ZNF618: variants seen among roughly 807,000 people sequenced by gnomAD.
ZNF618 encodes the protein zinc finger protein 618, also known as neural precursor cell expressed, developmentally down-regulated 10.
Under a neutral mutation model 103.0 loss-of-function variants are expected in ZNF618, and 34 were observed. The observed-to-expected ratio is 0.33, with a 90% CI of 0.25 to 0.44. The LOEUF is 0.44. ZNF618 is among the 20% of genes least tolerant of loss of function. ZNF618 has a pLI of 1.00. For missense variants in ZNF618, 1,059 were observed against 1,295.4 expected, an observed-to-expected ratio of 0.82 and a Z score of 2.80; for synonymous variants, 551 against 542.2, an observed-to-expected ratio of 1.02 and a Z score of -0.23.
intron 2 of ZNF618, among the ~76,000 whole-genome samples, chr9:113,975,017 T>A (rs1588205546): frequency 6.6e-6 from 1 of 152,186 alleles, no homozygotes; most frequent in Non-Finnish European, 1.5e-5. Flanking sequence ...AATTCCTAGT[T>A]CAAAGCAGGT....
chr9:113,933,946 A>C (rs1459136746), intron 1 of ZNF618, among the ~76,000 whole-genome samples: 1 of 151,874 alleles, frequency 6.6e-6, no homozygotes, highest in African/African-American at 2.4e-5. Flanking sequence ...GGATGCTTGA[A>C]ATTGAGATCA....
intron 6 of ZNF618, 52 bp from the exon 7 acceptor site, chr9:114,007,298 C>T: frequency 6.4e-7 from 1 of 1,550,792 alleles, no homozygotes; most frequent in Non-Finnish European, 8.8e-7. Flanking sequence ...AAAAACCCCA[C>T]CCCACAAGAC....
At chr9:114,004,297 G>A (rs1841529343) in intron 6 of ZNF618, among the ~76,000 whole-genome samples, 1 of 152,220 alleles carries the variant, frequency 6.6e-6, no homozygotes, top group African/African-American at 2.4e-5. Flanking sequence ...CTGGGAGGAG[G>A]TGGGAGCTGG....
chr9:113,879,745 T>C (rs1163827943), intron 1 of ZNF618, among the ~76,000 whole-genome samples: 1 of 151,944 alleles, frequency 6.6e-6, no homozygotes, highest in East Asian at 1.9e-4. Flanking sequence ...CAGTGGAGAC[T>C]CTTATTACTT....
intron 9 of ZNF618, among the ~76,000 whole-genome samples, chr9:114,009,770 G>T (rs1842072624): frequency 6.6e-6 from 1 of 152,134 alleles, no homozygotes; most frequent in African/African-American, 2.4e-5. Flanking sequence ...AGTTGGATAC[G>T]TTCCTCAGGG....
At chr9:113,946,543 C>G (rs11792006) in intron 1 of ZNF618, among the ~76,000 whole-genome samples, 1 of 152,072 alleles carries the variant, frequency 6.6e-6, no homozygotes, top group African/African-American at 2.4e-5. Context: ...CACCTTTATG[C>G]CCCTGATGGC....
At chr9:114,029,628 T>G (rs1305172525) in intron 11 of ZNF618, among the ~76,000 whole-genome samples, 2 of 150,210 alleles carry the variant, frequency 1.3e-5, no homozygotes, top group African/African-American at 5.0e-5. Context: ...TTCAGAAAAC[T>G]TAATTTAAAA....
intron 4 of ZNF618, 124 bp downstream of exon 4, chr9:113,998,478 G>A (rs1260851530): frequency 3.7e-6 from 3 of 819,270 alleles, no homozygotes; most frequent in Middle Eastern, 3.6e-4. Flanking sequence ...GGTCAAGAGG[G>A]GCCACCTTCT....
intron 1 of ZNF618, among the ~76,000 whole-genome samples, chr9:113,886,347 C>T (rs992307548): frequency 6.6e-6 from 1 of 152,136 alleles, no homozygotes; most frequent in Admixed American, 6.5e-5. Context: ...GAATTTTTGT[C>T]AGGTGAAAGT....
At chr9:113,968,993 G>A in intron 1 of ZNF618, 124 bp from the exon 2 acceptor site, 1 of 1,110,962 alleles carries the variant, frequency 9.0e-7, no homozygotes, top group Non-Finnish European at 1.4e-6. Context: ...CGGGACAGGG[G>A]CTTGTGGCCA....
intron 1 of ZNF618, among the ~76,000 whole-genome samples, chr9:113,880,429 T>C (rs1339054214): frequency 6.6e-6 from 1 of 152,190 alleles, no homozygotes; most frequent in East Asian, 1.9e-4. Context: ...TTTCTGATTG[T>C]AACTCCAAGG....
chr9:113,991,638 A>C (rs1057286656), intron 3 of ZNF618, among the ~76,000 whole-genome samples: 2 of 152,226 alleles, frequency 1.3e-5, no homozygotes, highest in African/African-American at 4.8e-5. Context: ...AGCTATTGTG[A>C]TATATTGAAA....
Position 113,935,746 on chromosome 9 carries a change from G to C in ZNF618, c.34-33371G>C, listed in dbSNP as rs368791177. On this transcript the variant is annotated intron_variant, in intron 1 of 14. Coordinates refer to ENST00000374126, the MANE Select transcript of ZNF618 (RefSeq NM_001318042.2). ...TGGACTGCAAACTCTTTGAGGGTGG[G>C]TGAAGTCTCTCCCTGCACCCTGCCC... 3.9e-5 allele frequency among the ~76,000 whole-genome samples: 6 copies of C among 152,238 alleles called. No homozygotes were observed. The East Asian group carries it at 9.7e-4, about 25-fold the overall frequency.
At chr9:113,889,684 A>C (rs1829442388) in intron 1 of ZNF618, among the ~76,000 whole-genome samples, 1 of 152,200 alleles carries the variant, frequency 6.6e-6, no homozygotes, top group Admixed American at 6.5e-5. Flanking sequence ...CCATACCATC[A>C]GTGTGCCCAT....
At chr9:114,004,279 G>A (rs1841527996) in intron 6 of ZNF618, among the ~76,000 whole-genome samples, 2 of 152,182 alleles carry the variant, frequency 1.3e-5, no homozygotes, top group Admixed American at 1.3e-4. Context: ...CCTGCCACAG[G>A]ACCCCAGCTG....
chr9:114,035,726 C>A (rs1047088453), intron 12 of ZNF618, among the ~76,000 whole-genome samples: 2 of 151,890 alleles, frequency 1.3e-5, no homozygotes, highest in Non-Finnish European at 2.9e-5. Context: ...TGTTCCTACG[C>A]GTGCCCTCCC....
intron 3 of ZNF618, among the ~76,000 whole-genome samples, chr9:113,990,784 A>C (rs1268513960): frequency 6.6e-6 from 1 of 152,176 alleles, no homozygotes; most frequent in Non-Finnish European, 1.5e-5. Flanking sequence ...CATGTGACAG[A>C]ATAGGGGTGA....
chr9:113,954,846 C>G (rs191232435), intron 1 of ZNF618, among the ~76,000 whole-genome samples: 3 of 152,188 alleles, frequency 2.0e-5, no homozygotes, highest in Non-Finnish European at 2.9e-5. Flanking sequence ...TACTTCTTCT[C>G]ACCCATTCTC....
At position 114,055,815 on chromosome 9, in the gene ZNF618, T is replaced by G. The variant is rs1439998298; in HGVS notation, c.*5648T>G. On this transcript the variant is annotated 3_prime_UTR_variant, in exon 15 of 15. Coordinates refer to ENST00000374126, the MANE Select transcript of ZNF618 (RefSeq NM_001318042.2). ...TATTAATGAATATTTTTCTTAATCC[T>G]TATAAGTTTTATGTGTTTAATATTT... 1 of 152,578 alleles carries G rather than the reference T, an allele frequency of 6.6e-6. No homozygotes were observed. Among genetic ancestry groups the G allele is most frequent in the African/African-American group, 2.4e-5 (1 of 41,438 alleles). 9.5% of individuals were successfully genotyped at this position (152,578 alleles called of 1,614,324 possible).
Sources: allele counts gnomAD v4.1 joint callset (sites outside exome capture counted in the v4.1 genomes callset), GRCh38; gene constraint gnomAD v4.1.1; transcripts MANE v1.5; gene names NCBI Gene and HGNC (gene_info 2026-07-23, HGNC 2026-07-21).